LRBA: variants seen among roughly 807,000 people sequenced by gnomAD.
LRBA encodes LPS responsive beige-like anchor protein.
Under a neutral mutation model 330.0 loss-of-function variants are expected in LRBA, and 176 were observed. That is an observed-to-expected ratio of 0.53 (90% CI 0.47 to 0.60). The LOEUF (loss-of-function observed/expected upper bound fraction) is 0.60, where lower values mean the gene tolerates loss of function less well. Among genes scored for constraint, LRBA ranks in the 20% least tolerant of loss-of-function variants. LRBA has a pLI of 0.00. For missense variants in LRBA, 3,259 were observed against 3,444.8 expected, an observed-to-expected ratio of 0.95 and a Z score of 1.35; for synonymous variants, 1,230 against 1,193.0, an observed-to-expected ratio of 1.03 and a Z score of -0.64.
intron 2 of LRBA, among the ~76,000 whole-genome samples, chr4:150,968,021 T>C (rs1739099834): frequency 6.6e-6 from 1 of 150,804 alleles, no homozygotes; most frequent in Non-Finnish European, 1.5e-5. Flanking sequence ...TTTTTTTTTT[T>C]TGAGACAGAG....
intron 40 of LRBA, among the ~76,000 whole-genome samples, chr4:150,499,029 T>A (rs1759920631): frequency 6.6e-6 from 1 of 152,286 alleles, no homozygotes; most frequent in Non-Finnish European, 1.5e-5. Flanking sequence ...AACTTATACA[T>A]TCATTTATGA....
chr4:150,372,269 A>G (rs377663788), intron 47 of LRBA, among the ~76,000 whole-genome samples: 1 of 152,156 alleles, frequency 6.6e-6, no homozygotes, highest in East Asian at 1.9e-4. Flanking sequence ...TCTCCAAAGT[A>G]GGTGCACCAA....
intron 33 of LRBA, among the ~76,000 whole-genome samples, chr4:150,798,798 T>A (rs1741166478): frequency 6.6e-6 from 1 of 152,182 alleles, no homozygotes; most frequent in Non-Finnish European, 1.5e-5. Context: ...TAATTACCAA[T>A]AAAATATAAA....
chr4:150,849,720 T>A, intron 24 of LRBA, 145 bp from the exon 25 acceptor site: 1 of 636,284 alleles, frequency 1.6e-6, no homozygotes, highest in Non-Finnish European at 2.8e-6. Context: ...TTGGAGGGTG[T>A]ATACTTCTTC....
intron 37 of LRBA, among the ~76,000 whole-genome samples, chr4:150,676,116 TA>T (rs1782535819): frequency 6.6e-6 from 1 of 152,218 alleles, no homozygotes; most frequent in African/African-American, 2.4e-5. Context: ...ATTATGATCT[TA>T]TTTTTTTTTA....
chr4:150,315,506 TCAGGGC>T, intron 51 of LRBA, 49 bp downstream of exon 51: 1 of 1,412,464 alleles, frequency 7.1e-7, no homozygotes, highest in Non-Finnish European at 1.0e-6. Flanking sequence ...AATCTACACT[TCAGGGC>T]CACCATACAG....
intron 2 of LRBA, among the ~76,000 whole-genome samples, chr4:150,947,589 A>T (rs1736378903): frequency 6.6e-6 from 1 of 152,136 alleles, no homozygotes; most frequent in South Asian, 2.1e-4. Flanking sequence ...CAATGATAAA[A>T]GACCGAGTAT....
At chr4:150,717,066 T>C (rs1728295074) in intron 36 of LRBA, among the ~76,000 whole-genome samples, 2 of 152,192 alleles carry the variant, frequency 1.3e-5, no homozygotes, top group Admixed American at 6.5e-5. Flanking sequence ...CACCAGTTTA[T>C]ACTGGGTATC....
At chr4:150,534,372 TAATAA>T (rs74818583) in intron 40 of LRBA, among the ~76,000 whole-genome samples, 69 of 146,590 alleles carry the variant, frequency 4.7e-4, no homozygotes, top group East Asian at 2.6e-3. Flanking sequence ...ATAATAATAA[TAATAA>T]TTTTTTTTAA....
At chr4:150,839,701 C>A (rs1748754418) in intron 28 of LRBA, among the ~76,000 whole-genome samples, 1 of 152,060 alleles carries the variant, frequency 6.6e-6, no homozygotes. Flanking sequence ...AACACTTGGA[C>A]ACAGGAAGGG....
chr4:150,805,339 G>GAAAGGAAAGGAAAGA lies in LRBA; in HGVS notation c.5518+931_5518+932insTCTTTCCTTTCCTTT, dbSNP rs1210401526. On this transcript the variant is annotated intron_variant, in intron 33 of 56. Coordinates refer to ENST00000651943, the MANE Select transcript of LRBA (RefSeq NM_001364905.1). ...GAAAGGAAAGGAAAGGAAAGGAAAGGAGAAGGAGAAGGAAAGAAAAGGAAA... is the reference window on the plus strand; with the variant it reads ...GAAAGGAAAGGAAAGGAAAGGAAAGGAAAGGAAAGGAAAGAAGAAGGAGAAGGAAAGAAAAGGAAA... Among the ~76,000 whole-genome samples the GAAAGGAAAGGAAAGA allele has an allele frequency of 1.0e-3, 136 of 133,400 alleles. 1 individual carries two copies. Among genetic ancestry groups the GAAAGGAAAGGAAAGA allele is most frequent in the Non-Finnish European group, 1.6e-3 (99 of 63,736 alleles). 87.5% of individuals were successfully genotyped at this position (133,400 alleles called of 152,430 possible).
intron 44 of LRBA, among the ~76,000 whole-genome samples, chr4:150,457,756 A>G (rs1325122770): frequency 6.6e-6 from 1 of 151,966 alleles, no homozygotes; most frequent in African/African-American, 2.4e-5. Flanking sequence ...TCCTATGTAA[A>G]TTCACAGTAG....
chr4:150,462,289 T>G (rs1754875264), intron 44 of LRBA, among the ~76,000 whole-genome samples: 1 of 151,786 alleles, frequency 6.6e-6, no homozygotes, highest in African/African-American at 2.4e-5. Context: ...CCTATTTTTT[T>G]CAGCTTTGAA....
At chr4:150,812,776 C>T (rs189843005) in intron 31 of LRBA, among the ~76,000 whole-genome samples, 3 of 152,124 alleles carry the variant, frequency 2.0e-5, no homozygotes, top group Admixed American at 6.5e-5. Flanking sequence ...TAGCAAACAC[C>T]AGGCATATAA....
At chr4:150,424,868 A>T (rs953337420) in intron 46 of LRBA, among the ~76,000 whole-genome samples, 2 of 152,260 alleles carry the variant, frequency 1.3e-5, no homozygotes, top group African/African-American at 4.8e-5. Context: ...GACATGCTGT[A>T]CTTAAACTAT....
chr4:150,720,190 A>G (rs938140321), intron 36 of LRBA, among the ~76,000 whole-genome samples: 2 of 152,160 alleles, frequency 1.3e-5, no homozygotes. Flanking sequence ...GAATGAACAC[A>G]ATGGAACAAA....
intron 2 of LRBA, among the ~76,000 whole-genome samples, chr4:150,974,095 G>C (rs1177640854): frequency 6.6e-6 from 1 of 152,170 alleles, no homozygotes; most frequent in Non-Finnish European, 1.5e-5. Flanking sequence ...TCACCATAAA[G>C]TGGAAAACTA....
intron 51 of LRBA, chr4:150,311,482 A>G (rs72732495): frequency 6.6e-6 from 1 of 152,208 alleles, no homozygotes; most frequent in African/African-American, 2.4e-5. Context: ...AAGCTCAGGA[A>G]GTAAAACAGA....
At chr4:150,798,282 C>T (rs532377513) in intron 33 of LRBA, 140 bp from the exon 34 acceptor site, 2 of 566,446 alleles carry the variant, frequency 3.5e-6, no homozygotes, top group Admixed American at 6.0e-5. Context: ...AAATAAGGTA[C>T]ACTATAGTTA....
Sources: allele counts gnomAD v4.1 joint callset (sites outside exome capture counted in the v4.1 genomes callset), GRCh38; gene constraint gnomAD v4.1.1; transcripts MANE v1.5; gene names NCBI Gene and HGNC (gene_info 2026-07-23, HGNC 2026-07-21).